The following COLEC12 variants were observed in gnomAD, a reference collection of about 807,000 sequenced individuals.
COLEC12 encodes the protein collectin subfamily member 12.
COLEC12 carries 33 observed loss-of-function variants against 71.1 expected under a neutral mutation model. That is an observed-to-expected ratio of 0.46 (90% CI 0.35 to 0.62). The LOEUF (loss-of-function observed/expected upper bound fraction) is 0.62. Among genes scored for constraint, COLEC12 ranks in the 20% least tolerant of loss-of-function variants. The probability of loss-of-function intolerance (pLI) is 0.00; values close to 1 mark genes in which losing one functional copy is unlikely to be tolerated. For synonymous variants in COLEC12, 350 were observed against 353.0 expected (o/e 0.99, Z 0.10); for missense variants, 765 against 916.1 (o/e 0.84, Z 2.13).
intron 2 of COLEC12, among the ~76,000 whole-genome samples, chr18:468,176 C>G (rs181251317): frequency 4.6e-5 from 7 of 151,116 alleles, no homozygotes; most frequent in African/African-American, 1.5e-4. Context: ...GCAGGAGAAT[C>G]GCTTAAACCC....
intron 2 of COLEC12, among the ~76,000 whole-genome samples, chr18:371,706 T>C (rs1355841157): frequency 6.6e-6 from 1 of 152,052 alleles, no homozygotes; most frequent in African/African-American, 2.4e-5. Context: ...CTTGTGACAG[T>C]TGATTGTAGG....
At chr18:448,187 CTTT>C (rs1341323358) in intron 2 of COLEC12, among the ~76,000 whole-genome samples, 1 of 152,174 alleles carries the variant, frequency 6.6e-6, no homozygotes, top group Non-Finnish European at 1.5e-5. Flanking sequence ...TAGTAATCTT[CTTT>C]TTTAACCACT....
At chr18:427,986 C>T (rs754864205) in intron 2 of COLEC12, among the ~76,000 whole-genome samples, 12 of 152,136 alleles carry the variant, frequency 7.9e-5, no homozygotes, top group African/African-American at 2.2e-4. Flanking sequence ...TTTTCCTGGC[C>T]GGGCGTGGTG....
At chr18:411,000 G>A (rs1434193050) in intron 2 of COLEC12, among the ~76,000 whole-genome samples, 2 of 152,282 alleles carry the variant, frequency 1.3e-5, no homozygotes, top group Admixed American at 6.5e-5. Flanking sequence ...GCTTAGTAGA[G>A]TGACTGGATT....
chr18:391,795 G>A (rs1189649697), intron 2 of COLEC12, among the ~76,000 whole-genome samples: 1 of 152,134 alleles, frequency 6.6e-6, no homozygotes, highest in Admixed American at 6.5e-5. Flanking sequence ...CTTAAGTATA[G>A]CACTCAGAAA....
chr18:422,614 T>C (rs1916120025), intron 2 of COLEC12, among the ~76,000 whole-genome samples: 1 of 151,922 alleles, frequency 6.6e-6, no homozygotes, highest in African/African-American at 2.4e-5. Flanking sequence ...TAACTACTGT[T>C]AATAGTTTAT....
chr18:421,291 T>C (rs1916093625), intron 2 of COLEC12, among the ~76,000 whole-genome samples: 1 of 152,218 alleles, frequency 6.6e-6, no homozygotes, highest in African/African-American at 2.4e-5. Flanking sequence ...TATAAAGGTA[T>C]GACTCATTCC....
intron 2 of COLEC12, among the ~76,000 whole-genome samples, chr18:416,830 T>A (rs1915994844): frequency 8.1e-6 from 1 of 123,572 alleles, no homozygotes; most frequent in Admixed American, 1.2e-4. Flanking sequence ...CTGGAGAGCA[T>A]GAGATGAAGC....
chr18:344,847 G>A (rs756640596), intron 5 of COLEC12, among the ~76,000 whole-genome samples: 2 of 152,236 alleles, frequency 1.3e-5, no homozygotes, highest in Non-Finnish European at 2.9e-5. Context: ...TGGATTATGA[G>A]TCTATCAGCC....
intron 1 of COLEC12, among the ~76,000 whole-genome samples, chr18:499,490 T>TA (rs1303529950): frequency 1.3e-5 from 2 of 152,160 alleles, no homozygotes; most frequent in Admixed American, 6.5e-5. Flanking sequence ...ACGGCAACCC[T>TA]AGAAGTCAAA....
chr18:331,759 T>C lies in COLEC12; in HGVS notation c.1972A>G (p.Met658Val). 2 of 1,613,424 alleles carry C rather than the reference T, an allele frequency of 1.2e-6. No individual in the cohort carries two copies. Among genetic ancestry groups the C allele is most frequent in the Non-Finnish European group, 8.5e-7 (1 of 1,179,304 alleles). ...REEQQWIKKQ[M>V]VGRESHWIGL... is the part of the protein sequence containing the mutation. ...ATCCAGTGGCTCTCTCTCCCTACCA[T>C]CTGTTTTTTTATCCATTGCTGAAAA... Residue 658 changes from methionine to valine, a missense_variant, in exon 8 of 10, where the codon ATG becomes GTG. Met to Val is a conservative substitution (Grantham distance 21, BLOSUM62 1). Transcript: ENST00000400256.
In COLEC12 at chr18:399,410, C is replaced by A. The variant is rs1335561958; in HGVS notation, c.59-41888G>T. On this transcript the variant is annotated intron_variant, in intron 2 of 9. Coordinates refer to ENST00000400256, the MANE Select transcript of COLEC12 (RefSeq NM_130386.3). This position sits in a 1 kb window ranked among gnomAD's most constrained non-coding sequence, Gnocchi z 4.0. Reference sequence around the variant, plus strand: ...GCAGCTCTGTGCCCCTGCCCAGCCACTCCCTGATAGCTGGAATCCTTCCTT... The same window carrying A: ...GCAGCTCTGTGCCCCTGCCCAGCCAATCCCTGATAGCTGGAATCCTTCCTT... Among the ~76,000 whole-genome samples the A allele has an allele frequency of 6.6e-6, 1 of 152,216 alleles. No homozygotes were observed. Among genetic ancestry groups the A allele is most frequent in the Non-Finnish European group, 1.5e-5 (1 of 68,034 alleles).
intron 2 of COLEC12, among the ~76,000 whole-genome samples, chr18:426,678 G>T (rs1354334060): frequency 1.3e-5 from 2 of 152,118 alleles, no homozygotes; most frequent in East Asian, 1.9e-4. Context: ...TATGAGTCAT[G>T]ATTTTATCTT....
At chr18:496,389 A>C (rs1389325051) in intron 1 of COLEC12, among the ~76,000 whole-genome samples, 1 of 152,220 alleles carries the variant, frequency 6.6e-6, no homozygotes, top group Non-Finnish European at 1.5e-5. Context: ...TCCCAAACTA[A>C]TGAAAAGTCA....
intron 2 of COLEC12, among the ~76,000 whole-genome samples, chr18:421,137 C>T (rs1276739924): frequency 6.6e-6 from 1 of 152,180 alleles, no homozygotes; most frequent in Non-Finnish European, 1.5e-5. Context: ...GTCTCTACTG[C>T]TAAGTTGTGA....
In COLEC12 at chr18:408,015, G is replaced by A. The variant is rs1915823398; in HGVS notation, c.59-50493C>T. ...CTAGAAGGAATATAATAAATGGCTGGATGAATGATGAATATGACTCATGCA... is the reference window on the plus strand; with the variant it reads ...CTAGAAGGAATATAATAAATGGCTGAATGAATGATGAATATGACTCATGCA... On this transcript the variant is annotated intron_variant, in intron 2 of 9. Transcript: ENST00000400256. The surrounding 1 kb of genome is among the most constrained non-coding windows in gnomAD (Gnocchi z 4.3). Among the ~76,000 whole-genome samples, 1 of 152,208 alleles carries A rather than the reference G, an allele frequency of 6.6e-6. No homozygotes were observed. The highest frequency in any genetic ancestry group is 1.5e-5 in the Non-Finnish European group (1 of 68,040).
At chr18:457,127 T>C (rs1235597026) in intron 2 of COLEC12, among the ~76,000 whole-genome samples, 1 of 152,224 alleles carries the variant, frequency 6.6e-6, no homozygotes, top group African/African-American at 2.4e-5. Context: ...TTAGATTACA[T>C]GTAACAGCAT....
chr18:464,985 C>G (rs1414141668), intron 2 of COLEC12, among the ~76,000 whole-genome samples: 4 of 152,236 alleles, frequency 2.6e-5, no homozygotes, highest in Non-Finnish European at 5.9e-5. Context: ...GGGACCTCTA[C>G]TTACAGGAAG....
intron 1 of COLEC12, among the ~76,000 whole-genome samples, chr18:492,730 C>A (rs576842560): frequency 1.3e-5 from 2 of 152,126 alleles, no homozygotes; most frequent in East Asian, 1.9e-4. Context: ...AAAAATAACA[C>A]CGATACGTCT....
Sources: gnomAD v4.1 joint callset for allele counts (sites outside exome capture counted in the v4.1 genomes callset) on GRCh38, gnomAD v4.1.1 for gene constraint, Gnocchi (gnomAD v3.1) non-coding constraint, MANE v1.5 for transcripts, NCBI Gene and HGNC (gene_info 2026-07-23, HGNC 2026-07-21) for gene names.